SAMD3: variants seen among roughly 807,000 people sequenced by gnomAD.
SAMD3 encodes sterile alpha motif domain containing 3.
A neutral mutation model predicts 58.5 loss-of-function variants in SAMD3; 63 were observed. That is an observed-to-expected ratio of 1.08 (90% CI 0.88 to 1.33). The LOEUF (loss-of-function observed/expected upper bound fraction) is 1.33, where lower values mean the gene tolerates loss of function less well. Among genes scored for constraint, SAMD3 ranks in the 40% most tolerant of loss-of-function variants. The pLI, the probability that SAMD3 is intolerant of heterozygous loss-of-function variation, is 0.00. For synonymous variants in SAMD3, 220 were observed against 210.3 expected (o/e 1.05, Z -0.40); for missense variants, 604 against 608.4 (o/e 0.99, Z 0.08).
At chr6:130,247,466 C>CAAA (rs1381371663) in intron 2 of SAMD3, among the ~76,000 whole-genome samples, 2 of 80,260 alleles carry the variant, frequency 2.5e-5, no homozygotes, top group Non-Finnish European at 2.6e-5. Context: ...GACTCCATCT[C>CAAA]AAAAAAAAAA....
At chr6:130,194,189 T>A (rs1793856163) in intron 5 of SAMD3, among the ~76,000 whole-genome samples, 1 of 152,196 alleles carries the variant, frequency 6.6e-6, no homozygotes, top group Admixed American at 6.5e-5. Context: ...GCTAAAGGTA[T>A]AGTCAAGGTT....
rs539748574 is a variant in SAMD3 at position 130,216,258 on chromosome 6, AG to A, written c.-22+312del. On this transcript the variant is annotated intron_variant, in intron 2 of 11. Transcript: ENST00000439090. The stretch of plus-strand genomic sequence containing the variant: ...ATGGACTTGGAGAGGGGTGGGGTGG[AG>A]GGGGGGATTGAAATAAATTTAAAAC... Among the ~76,000 whole-genome samples the A allele has an allele frequency of 3.7e-3, 531 of 145,466 alleles. 2 individuals carry two copies. Among genetic ancestry groups the A allele is most frequent in the Middle Eastern group, 0.021 (6 of 288 alleles).
chr6:130,302,814 T>C (rs149338256), intron 2 of SAMD3, among the ~76,000 whole-genome samples: 1 of 152,100 alleles, frequency 6.6e-6, no homozygotes. Context: ...AGTGAACTAA[T>C]GCACAAACAG....
chr6:130,254,837 GTTC>G (rs145088783), intron 2 of SAMD3, among the ~76,000 whole-genome samples: 2,857 of 152,242 alleles, frequency 0.019, 80 homozygotes, highest in African/African-American at 0.064. Flanking sequence ...ATTGGTATTA[GTTC>G]TTCTTTAAAT....
At chr6:130,207,474 T>A (rs1213448655) in intron 5 of SAMD3, among the ~76,000 whole-genome samples, 2 of 152,124 alleles carry the variant, frequency 1.3e-5, no homozygotes, top group Non-Finnish European at 2.9e-5. Flanking sequence ...CTGGGGCTAA[T>A]CACTGTTCAC....
At chr6:130,244,706 C>T (rs1773478191) in intron 2 of SAMD3, among the ~76,000 whole-genome samples, 1 of 151,146 alleles carries the variant, frequency 6.6e-6, no homozygotes, top group South Asian at 2.1e-4. Context: ...TGCCACTGTA[C>T]TCCAGCCTGG....
chr6:130,222,674 A>G lies in SAMD3; in HGVS notation c.-68+20T>C, dbSNP rs1796269715. 1 of 152,196 alleles carries G rather than the reference A, an allele frequency of 6.6e-6. No individual in the cohort carries two copies. Among genetic ancestry groups the G allele is most frequent in the Non-Finnish European group, 1.5e-5 (1 of 68,034 alleles). 9.4% of individuals were successfully genotyped at this position (152,196 alleles called of 1,614,324 possible). On this transcript the variant is annotated intron_variant, in intron 1 of 11. Coordinates refer to ENST00000439090, the MANE Select transcript of SAMD3 (RefSeq NM_001017373.4). ...GAAAAGTTAGAGTTTTATAGAGAAAAGGTAAAAAGTGATATTTACGGATTA... is the reference window on the plus strand; with the variant it reads ...GAAAAGTTAGAGTTTTATAGAGAAAGGGTAAAAAGTGATATTTACGGATTA...
chr6:130,329,089 G>A (rs1439454965), intron 1 of SAMD3, among the ~76,000 whole-genome samples: 1 of 150,930 alleles, frequency 6.6e-6, no homozygotes, highest in Non-Finnish European at 1.5e-5. Context: ...TCTATTATCT[G>A]CCTACTTATT....
Position 130,349,922 on chromosome 6 carries a change from C to T in SAMD3, c.-304+15198G>A, listed in dbSNP as rs1777599454. ...GGATGCAAGGCTGGTTCAACATATGCAAATCAATAAATGTAATCCAGCATA... is the reference window on the plus strand; with the variant it reads ...GGATGCAAGGCTGGTTCAACATATGTAAATCAATAAATGTAATCCAGCATA... On this transcript the variant is annotated intron_variant, in intron 1 of 13. Transcript: ENST00000368134. Among the ~76,000 whole-genome samples, 4 of 152,216 alleles carry T rather than the reference C, an allele frequency of 2.6e-5. No individual in the cohort carries two copies. In the South Asian group the frequency reaches 8.3e-4, roughly 32 times the overall value.
rs1472850963 is a variant in SAMD3 at position 130,214,328 on chromosome 6, C to T, written c.269+9G>A. On this transcript the variant is annotated intron_variant, in intron 4 of 11. Transcript: ENST00000439090. ...AAAAAAAAATAAGGCCATTTATGAA[C>T]ATACTCACTCTCGAGCTGCTTCTGT... is the stretch of plus-strand genomic sequence containing the variant. 1.3e-6 allele frequency: 2 copies of T among 1,557,816 alleles called. No individual in the cohort carries two copies. The highest frequency in any genetic ancestry group is 1.2e-5 in the South Asian group (1 of 81,408).
At chr6:130,280,631 A>G (rs1387174078) in intron 2 of SAMD3, among the ~76,000 whole-genome samples, 1 of 152,144 alleles carries the variant, frequency 6.6e-6, no homozygotes, top group East Asian at 1.9e-4. Flanking sequence ...TGGATTCTGT[A>G]CCCATTTGGC....
At chr6:130,319,758 A>C (rs1776519761) in intron 1 of SAMD3, among the ~76,000 whole-genome samples, 1 of 152,200 alleles carries the variant, frequency 6.6e-6, no homozygotes, top group Admixed American at 6.5e-5. Context: ...TTTAAAATAT[A>C]ATCAATGGCT....
At chr6:130,167,441 C>A (rs532803031) in intron 8 of SAMD3, among the ~76,000 whole-genome samples, 4 of 152,080 alleles carry the variant, frequency 2.6e-5, no homozygotes, top group African/African-American at 9.7e-5. Flanking sequence ...AACTTTAACA[C>A]CTAAGGATTA....
intron 4 of SAMD3, among the ~76,000 whole-genome samples, chr6:130,210,388 C>T (rs971136479): frequency 6.6e-6 from 1 of 151,436 alleles, no homozygotes; most frequent in Non-Finnish European, 1.5e-5. Context: ...CACCTGAGGT[C>T]AGGAGTTTGA....
At chr6:130,182,497 A>C (rs932062380) in intron 7 of SAMD3, among the ~76,000 whole-genome samples, 3 of 152,020 alleles carry the variant, frequency 2.0e-5, no homozygotes, top group Non-Finnish European at 4.4e-5. Context: ...ATATATAATG[A>C]ACCTTTTCTT....
In SAMD3 at chr6:130,323,802, C is replaced by CAA. The variant is rs766078214; in HGVS notation, c.-303-10711_-303-10710dup. Among the ~76,000 whole-genome samples the CAA allele has an allele frequency of 7.5e-3, 395 of 52,808 alleles. 21 individuals are homozygous for CAA. Among genetic ancestry groups the CAA allele is most frequent in the African/African-American group, 0.022 (266 of 12,082 alleles). 34.6% of individuals were successfully genotyped at this position (52,808 alleles called of 152,430 possible). A position where few individuals can be genotyped will look rare whatever the true frequency, so the allele number is the denominator to read the frequency against. ...TGGGTCACAGAGGTAGACTCTGTCT[C>CAA]AAAAAAAAAAAAAAAAAAAAAAAGA... On this transcript the variant is annotated intron_variant, in intron 1 of 13. Transcript: ENST00000368134.
chr6:130,210,412 A>C (rs1263181576), intron 4 of SAMD3, among the ~76,000 whole-genome samples: 1 of 151,830 alleles, frequency 6.6e-6, no homozygotes, highest in Non-Finnish European at 1.5e-5. Context: ...CAGCCTGGCC[A>C]ACATGACAAA....
chr6:130,277,449 C>A (rs1413527364), intron 2 of SAMD3, among the ~76,000 whole-genome samples: 2 of 152,232 alleles, frequency 1.3e-5, no homozygotes, highest in African/African-American at 2.4e-5. Context: ...AAGGCAATTT[C>A]AAAGGCAGTG....
chr6:130,250,315 G>C (rs1019509968), intron 2 of SAMD3, among the ~76,000 whole-genome samples: 1 of 152,068 alleles, frequency 6.6e-6, no homozygotes, highest in African/African-American at 2.4e-5. Flanking sequence ...TCTACCAGGC[G>C]CCCTTATTCT....
Sources: allele counts gnomAD v4.1 joint callset (sites outside exome capture counted in the v4.1 genomes callset), GRCh38; gene constraint gnomAD v4.1.1; transcripts MANE v1.5; gene names NCBI Gene and HGNC (gene_info 2026-07-23, HGNC 2026-07-21).